SH3PXD2A: variants seen among roughly 807,000 people sequenced by gnomAD.
SH3PXD2A encodes the protein SH3 and PX domain-containing protein 2A.
In SH3PXD2A, 32 loss-of-function variants were observed where a neutral mutation model predicts 115.2. The observed-to-expected ratio is 0.28, with a 90% CI of 0.21 to 0.37. SH3PXD2A has a LOEUF of 0.37. SH3PXD2A is among the 10% of genes least tolerant of loss of function. The pLI, the probability that SH3PXD2A is intolerant of heterozygous loss-of-function variation, is 1.00. For missense variants in SH3PXD2A, 1,328 were observed against 1,498.7 expected (o/e 0.89, Z 1.88); for synonymous variants, 610 against 629.1 (o/e 0.97, Z 0.45).
chr10:103,603,646 C>T lies in SH3PXD2A; in HGVS notation c.1572G>A (p.Pro524=), dbSNP rs551796306. Residue 524 remains proline, a synonymous_variant, in exon 15 of 15, where the codon CCG becomes CCA. Transcript: ENST00000369774. ...TSTLTRPKVP[P]PAPPSKPKEA... The stretch of plus-strand genomic sequence containing the variant: ...CCTTGGGCTTGCTGGGGGGTGCTGG[C>T]GGGGGCACCTTGGGCCGGGTCAGCG... The T allele has an allele frequency of 8.7e-6, 14 of 1,603,846 alleles. No homozygotes were observed. The highest frequency in any genetic ancestry group is 2.2e-5 in the East Asian group (1 of 44,798).
At chr10:103,796,859 C>CT (rs11352709) in intron 2 of SH3PXD2A, among the ~76,000 whole-genome samples, 4,651 of 114,088 alleles carry the variant, frequency 0.041, 254 homozygotes, top group African/African-American at 0.13. Flanking sequence ...TTTGGAACAT[C>CT]TTTTTTTTTT....
chr10:103,839,066 G>A (rs561863441), intron 1 of SH3PXD2A, among the ~76,000 whole-genome samples: 1 of 152,288 alleles, frequency 6.6e-6, no homozygotes, highest in African/African-American at 2.4e-5. Context: ...TCAACCCCGC[G>A]TGGGATCTGC....
intron 8 of SH3PXD2A, among the ~76,000 whole-genome samples, chr10:103,648,562 A>G (rs576796731): frequency 6.6e-6 from 1 of 152,356 alleles, no homozygotes; most frequent in African/African-American, 2.4e-5. Flanking sequence ...CTCATCTGAC[A>G]TAACCAAAAA....
intron 2 of SH3PXD2A, among the ~76,000 whole-genome samples, chr10:103,788,051 C>G (rs867694049): frequency 6.6e-6 from 1 of 152,158 alleles, no homozygotes; most frequent in South Asian, 2.1e-4. Flanking sequence ...GAAAAATGTT[C>G]CCCTAATCCA....
intron 12 of SH3PXD2A, among the ~76,000 whole-genome samples, chr10:103,612,359 AGCT>A (rs1474465532): frequency 6.6e-6 from 1 of 152,196 alleles, no homozygotes; most frequent in Non-Finnish European, 1.5e-5. Flanking sequence ...ATAGGGAAGG[AGCT>A]GCTAAGGCCC....
At chr10:103,791,174 C>T (rs759515005) in intron 2 of SH3PXD2A, among the ~76,000 whole-genome samples, 2 of 152,194 alleles carry the variant, frequency 1.3e-5, no homozygotes, top group Non-Finnish European at 2.9e-5. Context: ...AAAGAGCTTC[C>T]CCCGCTGTAT....
At chr10:103,754,639 C>T (rs1233931068) in intron 3 of SH3PXD2A, 5 of 152,020 alleles carry the variant, frequency 3.3e-5, no homozygotes, top group East Asian at 1.9e-4. Context: ...CTGATGAGGG[C>T]GTGTGGTTGG....
intron 2 of SH3PXD2A, among the ~76,000 whole-genome samples, chr10:103,798,948 AC>A (rs2039121072): frequency 6.6e-6 from 1 of 152,238 alleles, no homozygotes; most frequent in South Asian, 2.1e-4. Flanking sequence ...CAACCTGCTA[AC>A]ACCAGGCAAC....
chr10:103,761,440 C>A (rs1309727454), intron 3 of SH3PXD2A, among the ~76,000 whole-genome samples: 1 of 152,076 alleles, frequency 6.6e-6, no homozygotes, highest in East Asian at 1.9e-4. Context: ...AACCAAATAG[C>A]CAAACTTGTT....
chr10:103,767,248 T>C, intron 2 of SH3PXD2A, 79 bp from the exon 3 acceptor site: 1 of 1,057,150 alleles, frequency 9.5e-7, no homozygotes, highest in Middle Eastern at 2.0e-4. Flanking sequence ...CTCACTCCAC[T>C]GCTCCAGGGC....
Position 103,603,424 on chromosome 10 carries a change from C to A in SH3PXD2A, c.1794G>T (p.Leu598=). 6.2e-7 allele frequency: 1 copy of A among 1,613,958 alleles called. No individual in the cohort carries two copies. The highest frequency in any genetic ancestry group is 8.5e-7 in the Non-Finnish European group (1 of 1,179,940). The change falls in exon 15 of 15, where the codon CTG becomes CTT. Residue 598 remains leucine (L), a synonymous_variant. Transcript: ENST00000369774. ...CACCCACCTTGAAGCGGGCCCGCTG[C>A]AGAGAAGAGGCCGGCGAGGGCCGGT... The part of the protein sequence containing the change: ...QPHRPSPASS[L]QRARFKVGES...
intron 1 of SH3PXD2A, among the ~76,000 whole-genome samples, chr10:103,809,679 C>T (rs1564894580): frequency 1.4e-5 from 2 of 143,286 alleles, no homozygotes; most frequent in Non-Finnish European, 3.0e-5. Flanking sequence ...CCCTCCCTCC[C>T]TCCCTCCCTC....
intron 8 of SH3PXD2A, among the ~76,000 whole-genome samples, chr10:103,646,232 G>C (rs766770376): frequency 7.9e-5 from 12 of 152,110 alleles, no homozygotes; most frequent in Non-Finnish European, 1.3e-4. Flanking sequence ...CCTAGGATTA[G>C]GTTCTCTCAC....
intron 2 of SH3PXD2A, among the ~76,000 whole-genome samples, chr10:103,778,643 G>A (rs548341138): frequency 4.6e-5 from 7 of 152,220 alleles, no homozygotes; most frequent in Non-Finnish European, 7.3e-5. Context: ...TGGCCTTACC[G>A]TGAGTGCTAG....
chr10:103,676,772 C>G (rs2037539542), intron 6 of SH3PXD2A, among the ~76,000 whole-genome samples: 1 of 152,142 alleles, frequency 6.6e-6, no homozygotes, highest in Non-Finnish European at 1.5e-5. Context: ...GTTCTCACCT[C>G]TCCCCACCCC....
Position 103,764,462 on chromosome 10 carries a change from G to C in SH3PXD2A, c.229+2632C>G, listed in dbSNP as rs2038733319. ...ACCAGGAAAAAGAAGGGCACAGGGT[G>C]GGGGCGAGTCAACCTCACTCCTCCT... On this transcript the variant is annotated intron_variant, in intron 3 of 14. Transcript: ENST00000369774. Among the ~76,000 whole-genome samples the C allele has an allele frequency of 2.0e-5, 3 of 151,700 alleles. No homozygotes were observed. In the South Asian group the frequency reaches 6.2e-4, roughly 32 times the overall value.
intron 8 of SH3PXD2A, among the ~76,000 whole-genome samples, chr10:103,647,510 T>C (rs1268804216): frequency 6.6e-6 from 1 of 152,190 alleles, no homozygotes; most frequent in Non-Finnish European, 1.5e-5. Context: ...CCACTGAATG[T>C]AGAGGCCCTT....
intron 2 of SH3PXD2A, among the ~76,000 whole-genome samples, chr10:103,787,930 A>G (rs2038996225): frequency 1.3e-5 from 2 of 152,206 alleles, no homozygotes; most frequent in Admixed American, 1.3e-4. Flanking sequence ...TCAAGGCTCC[A>G]TAATTAGCAG....
At chr10:103,766,533 C>T (rs1338514973) in intron 3 of SH3PXD2A, among the ~76,000 whole-genome samples, 1 of 152,164 alleles carries the variant, frequency 6.6e-6, no homozygotes, top group Non-Finnish European at 1.5e-5. Flanking sequence ...AAAAGCACTC[C>T]ATGGCTATAA....
Sources: allele counts gnomAD v4.1 joint callset (sites outside exome capture counted in the v4.1 genomes callset), GRCh38; gene constraint gnomAD v4.1.1; transcripts MANE v1.5; gene names NCBI Gene and HGNC (gene_info 2026-07-23, HGNC 2026-07-21).